Variants in ROR1 observed in about 807,000 individuals in gnomAD.
ROR1 encodes ROR family WNT receptor 1.
A neutral mutation model predicts 78.8 loss-of-function variants in ROR1; 19 were observed. The observed-to-expected ratio is 0.24, with a 90% CI of 0.17 to 0.35. The LOEUF is 0.35. Ranked by LOEUF, ROR1 falls within the 10% of genes least tolerant of loss-of-function variation. The pLI is 1.00. For synonymous variants in ROR1, 386 were observed against 433.6 expected (o/e 0.89, Z 1.36); for missense variants, 917 against 1,177.8 (o/e 0.78, Z 3.24).
chr1:63,927,766 A>T (rs1645717269), intron 1 of ROR1, among the ~76,000 whole-genome samples: 1 of 152,114 alleles, frequency 6.6e-6, no homozygotes, highest in Non-Finnish European at 1.5e-5. Context: ...TACCCACTCC[A>T]TTGCAATCAT....
intron 4 of ROR1, among the ~76,000 whole-genome samples, chr1:64,120,773 T>C (rs1648502771): frequency 6.6e-6 from 1 of 152,196 alleles, no homozygotes; most frequent in African/African-American, 2.4e-5. Flanking sequence ...GTTTATAGTC[T>C]ACCTCCCAGT....
intron 4 of ROR1, among the ~76,000 whole-genome samples, chr1:64,066,062 G>A (rs1214397253): frequency 6.6e-6 from 1 of 152,130 alleles, no homozygotes; most frequent in Non-Finnish European, 1.5e-5. Flanking sequence ...AGTTATCATG[G>A]TTCAGTCATT....
rs979049847 is a variant in ROR1, at chr1:64,086,448, T to C, written c.482+35732T>C. On this transcript the variant is annotated intron_variant, in intron 4 of 8. Coordinates refer to ENST00000371079, the MANE Select transcript of ROR1 (RefSeq NM_005012.4). ...GGTCTAGTTGTTGAGGATAGAGCCC[T>C]GGACACAACTGACAATGTTCCTGCC... Among the ~76,000 whole-genome samples, 3 of 152,362 alleles carry C rather than the reference T, an allele frequency of 2.0e-5. No individual in the cohort carries two copies. The South Asian group carries it at 6.2e-4, about 32-fold the overall frequency.
chr1:63,849,715 A>T (rs1216920163), intron 1 of ROR1, among the ~76,000 whole-genome samples: 1 of 152,168 alleles, frequency 6.6e-6, no homozygotes, highest in African/African-American at 2.4e-5. Context: ...AAATAAAAAT[A>T]ACTAAAGTGC....
chr1:63,871,294 G>A (rs1013138472), intron 1 of ROR1, among the ~76,000 whole-genome samples: 12 of 152,140 alleles, frequency 7.9e-5, no homozygotes, highest in African/African-American at 2.2e-4. Flanking sequence ...GTACCCACAG[G>A]GGAAGAATCC....
At chr1:64,065,282 G>A (rs1480956488) in intron 4 of ROR1, among the ~76,000 whole-genome samples, 1 of 152,196 alleles carries the variant, frequency 6.6e-6, no homozygotes, top group Non-Finnish European at 1.5e-5. Context: ...CATGCAGGTG[G>A]ACTCCAGAGC....
At chr1:64,135,695 T>C (rs755593424) in intron 4 of ROR1, among the ~76,000 whole-genome samples, 4 of 152,326 alleles carry the variant, frequency 2.6e-5, no homozygotes, top group Non-Finnish European at 1.5e-5. Context: ...CTAGGATTTA[T>C]GAAAGTAAAC....
At chr1:63,785,030 A>G (rs1644675470) in intron 1 of ROR1, among the ~76,000 whole-genome samples, 1 of 152,218 alleles carries the variant, frequency 6.6e-6, no homozygotes. Flanking sequence ...TGTGAAGGTT[A>G]AACATCATAA....
intron 2 of ROR1, among the ~76,000 whole-genome samples, chr1:64,018,591 C>G (rs1351763761): frequency 6.6e-6 from 1 of 152,108 alleles, no homozygotes; most frequent in Non-Finnish European, 1.5e-5. Context: ...TATTGAAGAT[C>G]TTCGTCATTT....
intron 4 of ROR1, among the ~76,000 whole-genome samples, chr1:64,126,270 G>A (rs1648712861): frequency 1.3e-5 from 2 of 152,198 alleles, no homozygotes; most frequent in Admixed American, 6.5e-5. Context: ...AGGAGACTGG[G>A]CTGAAGATGT....
chr1:63,909,945 C>G (rs1422448339), intron 1 of ROR1, among the ~76,000 whole-genome samples: 1 of 152,136 alleles, frequency 6.6e-6, no homozygotes, highest in Admixed American at 6.5e-5. Context: ...ACTGTGCTTC[C>G]TGGCCTGGAA....
intron 4 of ROR1, among the ~76,000 whole-genome samples, chr1:64,080,368 C>T (rs1046892214): frequency 1.3e-5 from 2 of 152,154 alleles, no homozygotes; most frequent in African/African-American, 4.8e-5. Context: ...AAAGAATCAG[C>T]CAGCCCAAAA....
chr1:63,793,450 T>C (rs556791441), intron 1 of ROR1, among the ~76,000 whole-genome samples: 7 of 152,374 alleles, frequency 4.6e-5, no homozygotes, highest in African/African-American at 1.7e-4. Flanking sequence ...ATTTGATCTT[T>C]ACGCATTCTA....
intron 1 of ROR1, among the ~76,000 whole-genome samples, chr1:63,787,595 C>T (rs1644699867): frequency 6.6e-6 from 1 of 150,822 alleles, no homozygotes; most frequent in Non-Finnish European, 1.5e-5. Context: ...GGTGCGATCT[C>T]AGCTCACTAC....
At chr1:63,817,322 A>C (rs570624142) in intron 1 of ROR1, among the ~76,000 whole-genome samples, 2 of 152,248 alleles carry the variant, frequency 1.3e-5, no homozygotes, top group African/African-American at 4.8e-5. Context: ...GAGAGAAAGG[A>C]CTATTTTCAA....
chr1:63,906,264 G>A (rs1211639281), intron 1 of ROR1, among the ~76,000 whole-genome samples: 1 of 151,170 alleles, frequency 6.6e-6, no homozygotes, highest in African/African-American at 2.4e-5. Flanking sequence ...GAAGTCCTAT[G>A]CTTTGGTATG....
At chr1:64,126,861 C>T (rs1648729136) in intron 4 of ROR1, among the ~76,000 whole-genome samples, 1 of 152,142 alleles carries the variant, frequency 6.6e-6, no homozygotes, top group South Asian at 2.1e-4. Flanking sequence ...TCCAGCCAGG[C>T]TGCCTGGGAG....
intron 4 of ROR1, among the ~76,000 whole-genome samples, chr1:64,089,647 ATCTCTG>A (rs1336289911): frequency 6.6e-6 from 1 of 152,194 alleles, no homozygotes; most frequent in Non-Finnish European, 1.5e-5. Context: ...ACTGAGACAC[ATCTCTG>A]TGTCTATATC....
At chr1:63,794,937 A>G (rs1167448892) in intron 1 of ROR1, among the ~76,000 whole-genome samples, 3 of 152,134 alleles carry the variant, frequency 2.0e-5, no homozygotes, top group Admixed American at 2.0e-4. Context: ...GGAGAGACAT[A>G]ATAACCGGAG....
Sources: allele counts gnomAD v4.1 joint callset (sites outside exome capture counted in the v4.1 genomes callset), GRCh38; gene constraint gnomAD v4.1.1; transcripts MANE v1.5; gene names NCBI Gene and HGNC (gene_info 2026-07-23, HGNC 2026-07-21).